Variants in CHST9 observed in about 807,000 individuals in gnomAD.
The protein encoded by CHST9 is GalNAc-4-sulfotransferase 2.
CHST9 carries 41 observed loss-of-function variants against 44.4 expected under a neutral mutation model. The observed-to-expected ratio is 0.92, with a 90% CI of 0.72 to 1.20. The LOEUF (loss-of-function observed/expected upper bound fraction) is 1.20, where lower values mean the gene tolerates loss of function less well. Ranked by LOEUF, CHST9 falls within the 50% of genes most tolerant of loss-of-function variation. The pLI is 0.00. For missense variants in CHST9, 504 were observed against 516.5 expected (o/e 0.98, Z 0.23); for synonymous variants, 171 against 178.4 (o/e 0.96, Z 0.33).
At chr18:27,142,969 T>C (rs1470398102) in intron 1 of CHST9, 64 bp from the exon 2 acceptor site, 1 of 601,570 alleles carries the variant, frequency 1.7e-6, no homozygotes, top group African/African-American at 1.9e-5. Context: ...AAATACGGCA[T>C]AAATATTCAC....
At chr18:27,082,994 TA>T (rs2057975348) in intron 2 of CHST9, among the ~76,000 whole-genome samples, 1 of 152,158 alleles carries the variant, frequency 6.6e-6, no homozygotes, top group African/African-American at 2.4e-5. Flanking sequence ...GACAGGTTAT[TA>T]AAGTACAGGG....
At chr18:27,117,301 T>C (rs537443573) in intron 2 of CHST9, among the ~76,000 whole-genome samples, 48 of 152,208 alleles carry the variant, frequency 3.2e-4, no homozygotes, top group African/African-American at 1.0e-3. Context: ...GAGCTGAAGA[T>C]AGAGAATTTC....
At chr18:27,036,132 A>G (rs951182045) in intron 3 of CHST9, among the ~76,000 whole-genome samples, 3 of 152,214 alleles carry the variant, frequency 2.0e-5, no homozygotes, top group Non-Finnish European at 4.4e-5. Flanking sequence ...TACGTATGAT[A>G]TTATGAATGC....
chr18:27,015,017 C>G lies in CHST9; in HGVS notation c.202+9099G>C, dbSNP rs1012936931. Among the ~76,000 whole-genome samples, 3 of 152,250 alleles carry G rather than the reference C, an allele frequency of 2.0e-5. No homozygotes were observed. The East Asian group carries it at 5.8e-4, about 29-fold the overall frequency. ...TACATTTTTAGTCTTTTGACTCCAC[C>G]TATGAAGTTAATGATTTACTTCATG... is the stretch of plus-strand genomic sequence containing the variant. On this transcript the variant is annotated intron_variant, in intron 4 of 5. Coordinates refer to ENST00000618847, the MANE Select transcript of CHST9 (RefSeq NM_031422.6).
chr18:27,061,446 T>C (rs1027299692), intron 2 of CHST9, among the ~76,000 whole-genome samples: 1 of 152,186 alleles, frequency 6.6e-6, no homozygotes, highest in African/African-American at 2.4e-5. Context: ...GGCACTGTAC[T>C]TTAGAGGATC....
rs1212117345 is a variant in CHST9 at position 26,916,019 on chromosome 18, A to G, written c.*240T>C. On this transcript the variant is annotated 3_prime_UTR_variant, in exon 6 of 6. Transcript: ENST00000618847. ...TTATTGCTTCAACAATATAATTCAT[A>G]ATGCAAAAGCAGCTCTTTTCCAAAC... 2 of 362,114 alleles carry G rather than the reference A, an allele frequency of 5.5e-6. No homozygotes were observed. The allele number at this position is 362,114 out of a possible 1,614,324, so 22.4% of individuals were successfully genotyped here.
intron 4 of CHST9, among the ~76,000 whole-genome samples, chr18:26,994,230 G>A (rs192306653): frequency 2.0e-5 from 3 of 152,280 alleles, no homozygotes; most frequent in African/African-American, 4.8e-5. Context: ...CTAGGTTTCC[G>A]AAAAGATTTT....
chr18:27,185,155 C>A lies in CHST9; in HGVS notation c.-116G>T, dbSNP rs1567953734. 1 of 152,132 alleles carries A rather than the reference C, an allele frequency of 6.6e-6. No homozygotes were observed. Among genetic ancestry groups the A allele is most frequent in the South Asian group, 2.1e-4 (1 of 4,832 alleles). The allele number at this position is 152,132 out of a possible 1,614,324, so 9.4% of individuals were successfully genotyped here. A position where few individuals can be genotyped will look rare whatever the true frequency, so the allele number is the denominator to read the frequency against. ...GGTTACCTCGCGGGCCGCTGCCGGG[C>A]GCTTGCAGGTGCTGCTGTTCCAGGA... On this transcript the variant is annotated 5_prime_UTR_variant, in exon 1 of 6. Coordinates refer to ENST00000618847, the MANE Select transcript of CHST9 (RefSeq NM_031422.6).
chr18:27,020,997 GA>G (rs1239572546), intron 4 of CHST9, among the ~76,000 whole-genome samples: 1 of 152,202 alleles, frequency 6.6e-6, no homozygotes, highest in African/African-American at 2.4e-5. Context: ...CTAAAGGTGT[GA>G]GGGGCAGGTA....
At chr18:26,956,303 C>T (rs1447032899) in intron 4 of CHST9, among the ~76,000 whole-genome samples, 1 of 123,288 alleles carries the variant, frequency 8.1e-6, no homozygotes, top group Non-Finnish European at 1.6e-5. Context: ...CAGAGTGAGA[C>T]TCTGTCTCAA....
At chr18:26,980,938 T>C (rs147585602) in intron 4 of CHST9, among the ~76,000 whole-genome samples, 104 of 152,268 alleles carry the variant, frequency 6.8e-4, no homozygotes, top group African/African-American at 2.2e-3. Flanking sequence ...TTAAAGAATA[T>C]ATGTGCTTTT....
intron 2 of CHST9, among the ~76,000 whole-genome samples, chr18:27,050,950 T>C (rs2057559471): frequency 6.6e-6 from 1 of 152,244 alleles, no homozygotes. Flanking sequence ...GAAGTGTATG[T>C]ATTTGAGATA....
intron 4 of CHST9, among the ~76,000 whole-genome samples, chr18:26,960,133 A>G (rs192919732): frequency 1.6e-3 from 239 of 152,320 alleles, no homozygotes; most frequent in African/African-American, 5.5e-3. Context: ...GGTTTAAAAT[A>G]CCAGTAAAAC....
chr18:27,048,301 G>A (rs528671128), intron 3 of CHST9, among the ~76,000 whole-genome samples, 164 bp downstream of exon 3: 45 of 152,220 alleles, frequency 3.0e-4, no homozygotes, highest in Admixed American at 2.9e-3. Flanking sequence ...GTGAAAGTGA[G>A]AAAGCTAAAT....
At chr18:27,044,159 A>G (rs2057474315) in intron 3 of CHST9, among the ~76,000 whole-genome samples, 1 of 151,826 alleles carries the variant, frequency 6.6e-6, no homozygotes, top group Admixed American at 6.6e-5. Context: ...GAAATTCCTC[A>G]TGATACCTTG....
chr18:27,135,294 T>C (rs1008541064), intron 2 of CHST9, among the ~76,000 whole-genome samples: 1 of 152,224 alleles, frequency 6.6e-6, no homozygotes, highest in African/African-American at 2.4e-5. Context: ...AGAGTATATT[T>C]TTCTGTCTGA....
chr18:27,028,784 G>C (rs2057310024), intron 3 of CHST9, among the ~76,000 whole-genome samples: 1 of 152,038 alleles, frequency 6.6e-6, no homozygotes, highest in Non-Finnish European at 1.5e-5. Flanking sequence ...TCCTGACCTC[G>C]TGATCCGCCC....
intron 2 of CHST9, among the ~76,000 whole-genome samples, chr18:27,078,491 C>A (rs990941240): frequency 1.1e-4 from 17 of 151,522 alleles, no homozygotes; most frequent in Non-Finnish European, 1.8e-4. Context: ...ATATATATCT[C>A]TCTCACATAT....
At chr18:27,041,838 G>A (rs1353187124) in intron 3 of CHST9, among the ~76,000 whole-genome samples, 1 of 152,152 alleles carries the variant, frequency 6.6e-6, no homozygotes, top group Non-Finnish European at 1.5e-5. Flanking sequence ...GATAAAACCT[G>A]TAGGACTTCT....
Sources: gnomAD v4.1 joint callset for allele counts (sites outside exome capture counted in the v4.1 genomes callset) on GRCh38, gnomAD v4.1.1 for gene constraint, MANE v1.5 for transcripts, NCBI Gene and HGNC (gene_info 2026-07-23, HGNC 2026-07-21) for gene names.